CACNB2: variants seen among roughly 807,000 people sequenced by gnomAD.
CACNB2 encodes voltage-dependent L-type calcium channel subunit beta-2.
CACNB2 carries 42 observed loss-of-function variants against 73.3 expected under a neutral mutation model. That is an observed-to-expected ratio of 0.57 (90% CI 0.45 to 0.74). The LOEUF (loss-of-function observed/expected upper bound fraction) is 0.74. CACNB2 is among the 30% of genes least tolerant of loss of function. The pLI is 0.00. For synonymous variants in CACNB2, 348 were observed against 310.3 expected, an observed-to-expected ratio of 1.12 and a Z score of -1.28; for missense variants, 940 against 853.0, an observed-to-expected ratio of 1.10 and a Z score of -1.27.
intron 3 of CACNB2, among the ~76,000 whole-genome samples, chr10:18,494,729 G>A (rs776022993): frequency 8.6e-5 from 13 of 150,574 alleles, no homozygotes; most frequent in Non-Finnish European, 1.6e-4. Context: ...ATACTTTTGT[G>A]ATCAGAAACT....
Position 18,188,022 on chromosome 10 carries a change from T to A in CACNB2, c.213+37047T>A, listed in dbSNP as rs111525193. ...ATATTGTTTGGATTAAGGTAGAGAG[T>A]AGGATCTGCTTGGTGACATTTGTAT... On this transcript the variant is annotated intron_variant, in intron 2 of 13. Coordinates refer to ENST00000324631, the MANE Select transcript of CACNB2 (RefSeq NM_201596.3). Among the ~76,000 whole-genome samples, 17 of 152,226 alleles carry A rather than the reference T, an allele frequency of 1.1e-4. No homozygotes were observed. The East Asian group carries it at 3.3e-3, about 29-fold the overall frequency.
At chr10:18,266,574 G>A (rs1303270737) in intron 2 of CACNB2, among the ~76,000 whole-genome samples, 2 of 151,774 alleles carry the variant, frequency 1.3e-5, no homozygotes, top group Non-Finnish European at 2.9e-5. Context: ...CAAGTGATCA[G>A]AATTGTCCCG....
intron 2 of CACNB2, among the ~76,000 whole-genome samples, chr10:18,283,367 A>T (rs1263614784): frequency 6.6e-6 from 1 of 152,194 alleles, no homozygotes; most frequent in African/African-American, 2.4e-5. Context: ...AGACACATGC[A>T]CAGGTATATT....
At chr10:18,235,507 G>T (rs552876485) in intron 2 of CACNB2, among the ~76,000 whole-genome samples, 1 of 152,332 alleles carries the variant, frequency 6.6e-6, no homozygotes, top group East Asian at 1.9e-4. Flanking sequence ...TGTAGGTTAT[G>T]TATATTTAGC....
intron 2 of CACNB2, among the ~76,000 whole-genome samples, chr10:18,174,703 C>G (rs2033477300): frequency 6.6e-6 from 1 of 152,096 alleles, no homozygotes; most frequent in African/African-American, 2.4e-5. Context: ...CATGCCGGGC[C>G]AAGACATTTT....
chr10:18,159,137 A>G (rs944438990), intron 2 of CACNB2, among the ~76,000 whole-genome samples: 2 of 151,960 alleles, frequency 1.3e-5, no homozygotes, highest in African/African-American at 2.4e-5. Flanking sequence ...CAGCATTCCA[A>G]AGTTGAACAC....
intron 12 of CACNB2, among the ~76,000 whole-genome samples, chr10:18,537,858 A>G (rs866645043): frequency 6.6e-6 from 1 of 152,178 alleles, no homozygotes; most frequent in Non-Finnish European, 1.5e-5. Context: ...CTGTTCAAAT[A>G]TATATACATC....
At chr10:18,208,614 A>T (rs1320097677) in intron 2 of CACNB2, among the ~76,000 whole-genome samples, 3 of 152,100 alleles carry the variant, frequency 2.0e-5, no homozygotes, top group African/African-American at 4.8e-5. Flanking sequence ...CCTGTCTCAA[A>T]AAAATAAAAT....
intron 2 of CACNB2, among the ~76,000 whole-genome samples, chr10:18,323,410 C>G (rs1175855310): frequency 1.3e-5 from 2 of 151,622 alleles, no homozygotes; most frequent in Non-Finnish European, 2.9e-5. Context: ...CTGAATATTA[C>G]ATTTCTGCAT....
intron 2 of CACNB2, among the ~76,000 whole-genome samples, chr10:18,267,360 C>T (rs1036460654): frequency 2.0e-5 from 3 of 152,102 alleles, no homozygotes; most frequent in African/African-American, 7.2e-5. Context: ...AATCCCAACA[C>T]TTTGGGAAGC....
chr10:18,374,560 T>G (rs1043769270), intron 2 of CACNB2, among the ~76,000 whole-genome samples: 1 of 152,192 alleles, frequency 6.6e-6, no homozygotes, highest in Non-Finnish European at 1.5e-5. Flanking sequence ...AGACCCTGTC[T>G]TTATTTTTTA....
chr10:18,234,960 G>C lies in CACNB2; in HGVS notation c.213+83985G>C, dbSNP rs537898415. Among the ~76,000 whole-genome samples the C allele has an allele frequency of 3.4e-4, 52 of 152,040 alleles. No homozygotes were observed. The South Asian group carries it at 0.011, about 31-fold the overall frequency. On this transcript the variant is annotated intron_variant, in intron 2 of 13. Transcript: ENST00000324631. ...AGATCGAGACCATCCTGGCTAACAC[G>C]GTGAAACCCCGTCTCTACTAAAAAT...
intron 2 of CACNB2, among the ~76,000 whole-genome samples, chr10:18,311,353 G>T (rs1789079731): frequency 6.6e-6 from 1 of 152,172 alleles, no homozygotes; most frequent in Admixed American, 6.5e-5. Flanking sequence ...TGAGAGGGCA[G>T]CTGCGGCTCC....
chr10:18,181,331 C>T (rs1003714563), intron 2 of CACNB2, among the ~76,000 whole-genome samples: 1 of 152,072 alleles, frequency 6.6e-6, no homozygotes, highest in Non-Finnish European at 1.5e-5. Flanking sequence ...TCTTATTTTT[C>T]TTTCTTTCTT....
intron 1 of CACNB2, among the ~76,000 whole-genome samples, chr10:18,142,416 T>C (rs1437314515): frequency 1.3e-5 from 2 of 152,170 alleles, no homozygotes; most frequent in African/African-American, 4.8e-5. Flanking sequence ...CCAATAGAGT[T>C]TGCATTTGTT....
chr10:18,265,949 G>A (rs1384609795), intron 2 of CACNB2, among the ~76,000 whole-genome samples: 1 of 152,142 alleles, frequency 6.6e-6, no homozygotes, highest in Admixed American at 6.5e-5. Flanking sequence ...GGAAGGTAAT[G>A]TAGTCCACAT....
At chr10:18,420,248 A>G (rs1184472261) in intron 3 of CACNB2, among the ~76,000 whole-genome samples, 2 of 152,116 alleles carry the variant, frequency 1.3e-5, no homozygotes, top group Admixed American at 6.5e-5. Context: ...TCTATTCTTT[A>G]AGTAGAAGTC....
At position 18,513,713 on chromosome 10, in the gene CACNB2, C is replaced by T. The variant is rs111774960; in HGVS notation, c.671-523C>T. On this transcript the variant is annotated intron_variant, in intron 6 of 13. Coordinates refer to ENST00000324631, the MANE Select transcript of CACNB2 (RefSeq NM_201596.3). ...AAGTCATTAGCAAAAACGCATAAAG[C>T]GAGAAATGCGCATTAAAATGATATA... 4.7e-3 allele frequency: 904 copies of T among 193,646 alleles called. 12 individuals carry two copies. Among genetic ancestry groups the T allele is most frequent in the African/African-American group, 0.019 (820 of 42,316 alleles). The allele number at this position is 193,646 out of a possible 1,614,324, so 12.0% of individuals were successfully genotyped here.
At chr10:18,532,697 C>CAAAAAAAAAAAAAAAAAAAAAAA (rs1187679628) in intron 10 of CACNB2, among the ~76,000 whole-genome samples, 1 of 125,106 alleles carries the variant, frequency 8.0e-6, no homozygotes, top group Non-Finnish European at 1.6e-5. Flanking sequence ...AAAAAAAAAA[C>CAAAAAAAAAAAAAAAAAAAAAAA]AAAACAAAAA....
Sources: allele counts gnomAD v4.1 joint callset (sites outside exome capture counted in the v4.1 genomes callset), GRCh38; gene constraint gnomAD v4.1.1; transcripts MANE v1.5; gene names NCBI Gene and HGNC (gene_info 2026-07-23, HGNC 2026-07-21).